The following TAF3 variants were observed in gnomAD, a reference collection of about 807,000 sequenced individuals.
TAF3 encodes the protein TATA-box binding protein associated factor 3, also known as transcription initiation factor TFIID subunit 3.
A neutral mutation model predicts 80.6 loss-of-function variants in TAF3; 7 were observed. The observed-to-expected ratio is 0.09, with a 90% confidence interval of 0.05 to 0.16. TAF3 has a LOEUF of 0.16. Among genes scored for constraint, TAF3 ranks in the 10% least tolerant of loss-of-function variants. The pLI is 1.00. For synonymous variants in TAF3, 444 were observed against 446.1 expected, an observed-to-expected ratio of 1.00 and a Z score of 0.06; for missense variants, 921 against 1,140.2, an observed-to-expected ratio of 0.81 and a Z score of 2.77.
At chr10:7,849,629 T>A (rs1044344451) in intron 2 of TAF3, among the ~76,000 whole-genome samples, 21 of 152,158 alleles carry the variant, frequency 1.4e-4, no homozygotes, top group Admixed American at 5.9e-4. Flanking sequence ...TGCCCCCAAT[T>A]ATCATATATT....
intron 2 of TAF3, among the ~76,000 whole-genome samples, chr10:7,832,776 C>T (rs1836814135): frequency 1.3e-5 from 2 of 152,184 alleles, no homozygotes; most frequent in African/African-American, 4.8e-5. Context: ...TCTGAAACCC[C>T]TGGCCTCAAG....
At chr10:7,918,616 A>AG (rs916309064) in intron 2 of TAF3, among the ~76,000 whole-genome samples, 1 of 152,130 alleles carries the variant, frequency 6.6e-6, no homozygotes, top group African/African-American at 2.4e-5. Flanking sequence ...CGGATGCACC[A>AG]GGGGGCAGGC....
In TAF3 at chr10:8,016,478, A is replaced by G. The variant is rs1229281397; in HGVS notation, c.*1727A>G. Reference sequence around the variant, plus strand: ...ATCCCCGCTAAGAAACAAAGCATCTATGTTGAGATATGTGTTTTTTTGTTT... The same window carrying G: ...ATCCCCGCTAAGAAACAAAGCATCTGTGTTGAGATATGTGTTTTTTTGTTT... On this transcript the variant is annotated 3_prime_UTR_variant, in exon 7 of 7. Coordinates refer to ENST00000344293, the MANE Select transcript of TAF3 (RefSeq NM_031923.4). 6.6e-6 allele frequency: 1 copy of G among 151,942 alleles called. No homozygotes were observed. Among genetic ancestry groups the G allele is most frequent in the Non-Finnish European group, 1.5e-5 (1 of 68,022 alleles). The allele number at this position is 151,942 out of a possible 1,614,324, so 9.4% of individuals were successfully genotyped here.
intron 3 of TAF3, chr10:7,974,977 G>A (rs1831656594): frequency 5.5e-6 from 1 of 183,458 alleles, no homozygotes; most frequent in African/African-American, 2.4e-5. Context: ...TGGAGGCTGA[G>A]GCAGGAGAAT....
intron 4 of TAF3, among the ~76,000 whole-genome samples, chr10:8,000,274 G>A (rs777692572): frequency 1.3e-5 from 2 of 151,772 alleles, no homozygotes; most frequent in African/African-American, 4.8e-5. Context: ...GCACCACCAC[G>A]CCCAGCTAAT....
intron 3 of TAF3, among the ~76,000 whole-genome samples, chr10:7,972,646 A>C (rs1048182430): frequency 2.6e-5 from 4 of 152,200 alleles, no homozygotes; most frequent in African/African-American, 9.7e-5. Context: ...TACCATTTTA[A>C]ATCTCACTTA....
At chr10:7,950,471 T>C (rs1338073173) in intron 2 of TAF3, among the ~76,000 whole-genome samples, 2 of 152,220 alleles carry the variant, frequency 1.3e-5, no homozygotes, top group African/African-American at 4.8e-5. Flanking sequence ...TAGAGAAACG[T>C]CTTACCAGAT....
At chr10:7,993,734 T>C (rs1414652174) in intron 4 of TAF3, among the ~76,000 whole-genome samples, 1 of 152,184 alleles carries the variant, frequency 6.6e-6, no homozygotes, top group Non-Finnish European at 1.5e-5. Context: ...TGTCACATTC[T>C]TAGTGATACT....
intron 1 of TAF3, 22 bp from the exon 2 acceptor site, chr10:7,824,296 T>G (rs1384996873): frequency 1.3e-6 from 2 of 1,556,014 alleles, no homozygotes; most frequent in East Asian, 4.5e-5. Context: ...AATAATTTGA[T>G]TTGCTTTTCA....
In TAF3 at chr10:8,009,144, C is replaced by A. The variant is rs1370792737; in HGVS notation, c.2382C>A (p.Thr794=). The A allele has an allele frequency of 1.9e-6, 3 of 1,588,328 alleles. No individual in the cohort carries two copies. The Admixed American group carries it at 5.1e-5, about 27-fold the overall frequency. ...CGCCCTCGCAGAACAGGCCGAAGAC[C>A]CCACCGCCGGCCCCCGCGCCCGCCC... The part of the protein sequence containing the change: ...KPAPSQNRPK[T]PPPAPAPAPG... The change falls in exon 5 of 7, where the codon ACC becomes ACA. Residue 794 remains threonine (T), a synonymous_variant. Transcript: ENST00000344293. The surrounding 1 kb of genome is among the most constrained non-coding windows in gnomAD (Gnocchi z 4.1).
At chr10:7,961,658 T>G (rs1012228952) in intron 2 of TAF3, among the ~76,000 whole-genome samples, 1 of 152,198 alleles carries the variant, frequency 6.6e-6, no homozygotes, top group Non-Finnish European at 1.5e-5. Flanking sequence ...ACACTCTTTC[T>G]CTCATGCACT....
chr10:7,903,773 A>T (rs1190929679), intron 2 of TAF3, among the ~76,000 whole-genome samples: 1 of 152,168 alleles, frequency 6.6e-6, no homozygotes, highest in Non-Finnish European at 1.5e-5. Context: ...TATTTAGCCC[A>T]TGTTTAAGAA....
intron 2 of TAF3, among the ~76,000 whole-genome samples, chr10:7,959,854 A>G (rs1207780165): frequency 6.6e-6 from 1 of 152,226 alleles, no homozygotes; most frequent in East Asian, 1.9e-4. Flanking sequence ...TGTAACTATA[A>G]AGCAGACCTT....
In TAF3 at chr10:7,915,461, G is replaced by A. The variant is rs560026497; in HGVS notation, c.410-48459G>A. On this transcript the variant is annotated intron_variant, in intron 2 of 6. Transcript: ENST00000344293. ...AGATCGAGACCATCCTGGCTAACAC[G>A]GTGAAACCCCGTCTCTACTAAAAAT... Among the ~76,000 whole-genome samples the A allele has an allele frequency of 5.5e-3, 812 of 147,570 alleles. 9 individuals are homozygous for A. The highest frequency in any genetic ancestry group is 0.018 in the African/African-American group (742 of 40,304).
chr10:7,943,343 G>C (rs1283093951), intron 2 of TAF3, among the ~76,000 whole-genome samples: 2 of 152,110 alleles, frequency 1.3e-5, no homozygotes, highest in Non-Finnish European at 2.9e-5. Flanking sequence ...TTGTTTCCTA[G>C]TTCGTAAGTT....
chr10:7,839,287 T>C (rs926428676), intron 2 of TAF3, among the ~76,000 whole-genome samples: 12 of 152,204 alleles, frequency 7.9e-5, no homozygotes, highest in East Asian at 3.8e-4. Flanking sequence ...TATTTTGTTA[T>C]AATTGCTGGT....
At chr10:7,920,584 A>C (rs1213369234) in intron 2 of TAF3, among the ~76,000 whole-genome samples, 1 of 152,232 alleles carries the variant, frequency 6.6e-6, no homozygotes, top group African/African-American at 2.4e-5. Flanking sequence ...TATTATTCAC[A>C]GAAACAGTTT....
intron 2 of TAF3, among the ~76,000 whole-genome samples, chr10:7,829,663 A>G (rs1588514930): frequency 6.6e-6 from 1 of 152,286 alleles, no homozygotes; most frequent in East Asian, 1.9e-4. Flanking sequence ...TGTCATCATA[A>G]TTTATCACTG....
At chr10:7,930,205 A>G (rs1030324568) in intron 2 of TAF3, among the ~76,000 whole-genome samples, 10 of 152,234 alleles carry the variant, frequency 6.6e-5, no homozygotes, top group African/African-American at 2.2e-4. Flanking sequence ...CAAAACAAAC[A>G]AACAAAAAGA....
Sources: allele counts gnomAD v4.1 joint callset (sites outside exome capture counted in the v4.1 genomes callset), GRCh38; gene constraint gnomAD v4.1.1; non-coding constraint Gnocchi (gnomAD v3.1); transcripts MANE v1.5; gene names NCBI Gene and HGNC (gene_info 2026-07-23, HGNC 2026-07-21).